EXOC4: variants seen among roughly 807,000 people sequenced by gnomAD.
The protein encoded by EXOC4 is exocyst complex component 4, also known as SEC8-like 1.
EXOC4 carries 71 observed loss-of-function variants against 107.2 expected under a neutral mutation model. The ratio of observed to expected loss-of-function variants is 0.66; its 90% CI spans 0.55 to 0.81. The LOEUF (loss-of-function observed/expected upper bound fraction) is 0.81, where lower values mean the gene tolerates loss of function less well. Among genes scored for constraint, EXOC4 ranks in the 30% least tolerant of loss-of-function variants. The probability of loss-of-function intolerance (pLI) is 0.00; values close to 1 mark genes in which losing one functional copy is unlikely to be tolerated. For synonymous variants in EXOC4, 456 were observed against 441.2 expected, an observed-to-expected ratio of 1.03 and a Z score of -0.42; for missense variants, 1,108 against 1,189.6, an observed-to-expected ratio of 0.93 and a Z score of 1.01.
intron 7 of EXOC4, among the ~76,000 whole-genome samples, chr7:133,447,147 T>C (rs1798238663): frequency 1.3e-5 from 2 of 152,216 alleles, no homozygotes; most frequent in Non-Finnish European, 2.9e-5. Flanking sequence ...CATCATTTTA[T>C]AGTCACTTGT....
Position 133,929,905 on chromosome 7 carries a change from C to G in EXOC4, c.2028-7986C>G, listed in dbSNP as rs1005607315. ...GAAGAGAAACCTTACCTGACACCTCCTTGCTTTTGCCTGAGGTCAATTGTT... is the reference window on the plus strand; with the variant it reads ...GAAGAGAAACCTTACCTGACACCTCGTTGCTTTTGCCTGAGGTCAATTGTT... On this transcript the variant is annotated intron_variant, in intron 13 of 17. Coordinates refer to ENST00000253861, the MANE Select transcript of EXOC4 (RefSeq NM_021807.4). 2.0e-5 allele frequency among the ~76,000 whole-genome samples: 3 copies of G among 152,258 alleles called. No individual in the cohort carries two copies. The South Asian group carries it at 6.2e-4, about 32-fold the overall frequency.
At chr7:133,409,643 C>G (rs1282097357) in intron 7 of EXOC4, among the ~76,000 whole-genome samples, 1 of 152,162 alleles carries the variant, frequency 6.6e-6, no homozygotes, top group African/African-American at 2.4e-5. Flanking sequence ...AAAATATTAA[C>G]AATTGACCTT....
intron 13 of EXOC4, among the ~76,000 whole-genome samples, chr7:133,935,267 T>C (rs1219373026): frequency 1.3e-5 from 2 of 152,114 alleles, no homozygotes; most frequent in Admixed American, 6.6e-5. Flanking sequence ...CTCTGCCAAC[T>C]AAGATTGCTT....
At chr7:133,798,487 T>C (rs1796862722) in intron 10 of EXOC4, among the ~76,000 whole-genome samples, 1 of 152,136 alleles carries the variant, frequency 6.6e-6, no homozygotes, top group Non-Finnish European at 1.5e-5. Context: ...ACATAATGAG[T>C]GCTACCATAT....
At chr7:133,376,493 A>T (rs966343018) in intron 7 of EXOC4, among the ~76,000 whole-genome samples, 7 of 152,232 alleles carry the variant, frequency 4.6e-5, no homozygotes, top group African/African-American at 1.7e-4. Context: ...CCTTTGCTGT[A>T]AGCAACTTAG....
intron 10 of EXOC4, among the ~76,000 whole-genome samples, chr7:133,787,966 TATATATATATATATATATATATATATATA>T (rs1562997663): frequency 2.8e-3 from 46 of 16,492 alleles, no homozygotes; most frequent in African/African-American, 9.7e-3. Flanking sequence ...TATATATTTA[TATATATATATATATATATATATATATATA>T]TATATATATA....
Position 134,053,560 on chromosome 7 carries a change from T to TTA in EXOC4, c.2688-10719_2688-10718dup, listed in dbSNP as rs112636370. 4.7e-4 allele frequency among the ~76,000 whole-genome samples: 70 copies of TTA among 149,220 alleles called. No homozygotes were observed. The South Asian group carries it at 7.5e-3, about 16-fold the overall frequency. On this transcript the variant is annotated intron_variant, in intron 17 of 17. Transcript: ENST00000253861. ...TATGCTGATGAAAGTATATCTGATT[T>TTA]TATATATATATATTTAAATATATAA...
At chr7:133,396,286 T>TA (rs1796969664) in intron 7 of EXOC4, 1 of 152,184 alleles carries the variant, frequency 6.6e-6, no homozygotes, top group African/African-American at 2.4e-5. Context: ...CAGACTCACT[T>TA]ATGCTGATGA....
At chr7:133,795,060 G>A (rs1796786061) in intron 10 of EXOC4, among the ~76,000 whole-genome samples, 1 of 151,682 alleles carries the variant, frequency 6.6e-6, no homozygotes, top group Non-Finnish European at 1.5e-5. Context: ...ACGTTGAAGA[G>A]ACTATACAAA....
rs1221575922 is a variant in EXOC4 at position 133,661,958 on chromosome 7, A to G, written c.1514+31817A>G. Among the ~76,000 whole-genome samples the G allele has an allele frequency of 5.3e-5, 8 of 152,150 alleles. 1 individual carries two copies. Among genetic ancestry groups the G allele is most frequent in the Admixed American group, 5.2e-4 (8 of 15,274 alleles). Reference sequence around the variant, plus strand: ...TTTGGGAGCCATAATAATAGCCAGCATTTTTAATATGCTTAATATGTGCCA... The same window carrying G: ...TTTGGGAGCCATAATAATAGCCAGCGTTTTTAATATGCTTAATATGTGCCA... On this transcript the variant is annotated intron_variant, in intron 10 of 17. Transcript: ENST00000253861.
At chr7:133,534,320 G>A (rs746739852) in intron 9 of EXOC4, among the ~76,000 whole-genome samples, 1 of 152,146 alleles carries the variant, frequency 6.6e-6, no homozygotes, top group Non-Finnish European at 1.5e-5. Context: ...TTTCCAAGAT[G>A]CCTGTTTGGT....
intron 10 of EXOC4, among the ~76,000 whole-genome samples, chr7:133,696,629 T>C (rs963123855): frequency 6.6e-6 from 1 of 152,246 alleles, no homozygotes; most frequent in African/African-American, 2.4e-5. Flanking sequence ...TTCTGGTCTC[T>C]TTTTCTGTAT....
At chr7:133,999,392 G>A (rs1350079552) in intron 15 of EXOC4, among the ~76,000 whole-genome samples, 1 of 152,074 alleles carries the variant, frequency 6.6e-6, no homozygotes, top group African/African-American at 2.4e-5. Flanking sequence ...CTTATTGCTT[G>A]TGAGAGCCTT....
Position 133,896,959 on chromosome 7 carries a change from G to A in EXOC4, c.1871+1224G>A, listed in dbSNP as rs1236705714. ...ATTACAGGCATGAGCCACCACACCC[G>A]GCCCAGTTGCCCACTATTTAAAGGG... is the stretch of plus-strand genomic sequence containing the variant. On this transcript the variant is annotated intron_variant, in intron 12 of 17. Transcript: ENST00000253861. 4.2e-5 allele frequency among the ~76,000 whole-genome samples: 6 copies of A among 141,428 alleles called. 1 individual carries two copies. The highest frequency in any genetic ancestry group is 4.0e-4 in the East Asian group (2 of 5,048). The allele number at this position is 141,428 out of a possible 152,430, so 92.8% of individuals were successfully genotyped here.
At chr7:133,749,095 TA>T in intron 10 of EXOC4, among the ~76,000 whole-genome samples, 1 of 152,222 alleles carries the variant, frequency 6.6e-6, no homozygotes, top group African/African-American at 2.4e-5. Flanking sequence ...ACATGAGAGA[TA>T]AATACTTTTG....
At chr7:133,277,955 A>T (rs1430396896) in intron 2 of EXOC4, among the ~76,000 whole-genome samples, 1 of 152,212 alleles carries the variant, frequency 6.6e-6, no homozygotes, top group African/African-American at 2.4e-5. Context: ...TGGATGATTC[A>T]GTAACGATTG....
chr7:133,255,507 G>T (rs1794996831), intron 1 of EXOC4, among the ~76,000 whole-genome samples: 1 of 152,160 alleles, frequency 6.6e-6, no homozygotes. Context: ...GACCACCTCA[G>T]ATCACTGCAT....
chr7:133,950,406 A>T (rs968854899), intron 14 of EXOC4, among the ~76,000 whole-genome samples: 1 of 152,206 alleles, frequency 6.6e-6, no homozygotes, highest in Non-Finnish European at 1.5e-5. Flanking sequence ...AAAGATCTGT[A>T]TACTTTACCC....
intron 10 of EXOC4, among the ~76,000 whole-genome samples, chr7:133,760,552 A>G (rs1796012266): frequency 6.6e-6 from 1 of 152,084 alleles, no homozygotes; most frequent in African/African-American, 2.4e-5. Context: ...ATGACCGCAC[A>G]CGTGAGTGCC....
Sources: allele counts gnomAD v4.1 joint callset (sites outside exome capture counted in the v4.1 genomes callset), GRCh38; gene constraint gnomAD v4.1.1; transcripts MANE v1.5; gene names NCBI Gene and HGNC (gene_info 2026-07-23, HGNC 2026-07-21).